ANKS6: variants seen among roughly 807,000 people sequenced by gnomAD.
ANKS6 encodes ankyrin repeat and sterile alpha motif domain containing 6, also known as ankyrin repeat and SAM domain-containing protein 6.
In ANKS6, 47 loss-of-function variants were observed where a neutral mutation model predicts 77.9. The observed-to-expected ratio is 0.60, with a 90% CI of 0.48 to 0.77. The LOEUF is 0.77. Ranked by LOEUF, ANKS6 falls within the 30% of genes least tolerant of loss-of-function variation. The pLI, the probability that ANKS6 is intolerant of heterozygous loss-of-function variation, is 0.00. For missense variants in ANKS6, 1,150 were observed against 1,159.1 expected (o/e 0.99, Z 0.11); for synonymous variants, 488 against 501.7 (o/e 0.97, Z 0.37).
At chr9:98,761,613 G>A (rs1206209541) in intron 11 of ANKS6, among the ~76,000 whole-genome samples, 2 of 152,134 alleles carry the variant, frequency 1.3e-5, no homozygotes, top group Non-Finnish European at 2.9e-5. Context: ...TGAGATACAC[G>A]TGGAGGTTCC....
Position 98,791,303 on chromosome 9 carries a change from CAG to C in ANKS6, c.360-699_360-698del, listed in dbSNP as rs1187945777. 6.6e-6 allele frequency among the ~76,000 whole-genome samples: 1 copy of C among 152,238 alleles called. No individual in the cohort carries two copies. Among genetic ancestry groups the C allele is most frequent in the Non-Finnish European group, 1.5e-5 (1 of 68,044 alleles). ...AGAGGTGTGGCAAGGTTGTGGTCAGCAGATAGGCTGGGCATTGCGGCCTGGAG... is the reference window on the plus strand; with the variant it reads ...AGAGGTGTGGCAAGGTTGTGGTCAGCATAGGCTGGGCATTGCGGCCTGGAG... On this transcript the variant is annotated intron_variant, in intron 1 of 14. Transcript: ENST00000353234. The surrounding 1 kb of genome is among the most constrained non-coding windows in gnomAD (Gnocchi z 4.3).
At chr9:98,766,916 G>A (rs1448251097) in intron 11 of ANKS6, among the ~76,000 whole-genome samples, 1 of 152,160 alleles carries the variant, frequency 6.6e-6, no homozygotes, top group Non-Finnish European at 1.5e-5. Flanking sequence ...ACTATGAAGA[G>A]TGGGGTTTTG....
At chr9:98,780,407 G>A (rs775668893) in intron 5 of ANKS6, 70 bp from the exon 6 acceptor site, 11 of 1,489,504 alleles carry the variant, frequency 7.4e-6, no homozygotes, top group East Asian at 2.5e-5. Flanking sequence ...GACTCAAGAT[G>A]ACCCCTGTTA....
chr9:98,737,027 A>G (rs923704886), intron 14 of ANKS6, among the ~76,000 whole-genome samples: 1 of 152,180 alleles, frequency 6.6e-6, no homozygotes, highest in Non-Finnish European at 1.5e-5. Flanking sequence ...GCTACAGGAT[A>G]AGAGTTTAAA....
intron 11 of ANKS6, among the ~76,000 whole-genome samples, chr9:98,760,695 G>C (rs1166807918): frequency 6.6e-6 from 1 of 152,134 alleles, no homozygotes; most frequent in African/African-American, 2.4e-5. Context: ...GATGCCTTTA[G>C]GATTCATTCA....
At chr9:98,790,982 C>T (rs1834875990) in intron 1 of ANKS6, among the ~76,000 whole-genome samples, 1 of 152,228 alleles carries the variant, frequency 6.6e-6, no homozygotes, top group African/African-American at 2.4e-5. Context: ...GGAAACATCA[C>T]ATCAATGTTA....
chr9:98,784,916 T>G (rs1383026567), intron 2 of ANKS6, 40 bp from the exon 3 acceptor site: 6 of 1,584,628 alleles, frequency 3.8e-6, no homozygotes, highest in African/African-American at 2.7e-5. Context: ...CACGGAAAGG[T>G]TTAATATAAC....
chr9:98,790,014 C>T, intron 2 of ANKS6, 90 bp downstream of exon 2: 10 of 1,478,530 alleles, frequency 6.8e-6, no homozygotes, highest in South Asian at 2.8e-5. Flanking sequence ...CTGAGTTCTG[C>T]GTGTCCTTCC....
At position 98,751,017 on chromosome 9, in the gene ANKS6, G is replaced by C. The variant is rs1345759081; in HGVS notation, c.2394+12C>G. 1 of 1,594,606 alleles carries C rather than the reference G, an allele frequency of 6.3e-7. No homozygotes were observed. The highest frequency in any genetic ancestry group is 8.5e-7 in the Non-Finnish European group (1 of 1,170,554). ...TAAGATTTAAATTGACATTCAAAAA[G>C]AGCATTCTTACCTCTTGTTCCTCAA... On this transcript the variant is annotated intron_variant, in intron 13 of 14. Transcript: ENST00000353234.
chr9:98,775,760 T>G (rs1273163272), intron 8 of ANKS6, among the ~76,000 whole-genome samples: 2 of 152,254 alleles, frequency 1.3e-5, no homozygotes, highest in African/African-American at 4.8e-5. Flanking sequence ...TTTATTTTCC[T>G]TCTATATGTT....
At position 98,774,057 on chromosome 9, in the gene ANKS6, G is replaced by T. The variant is rs371491495; in HGVS notation, c.1641C>A (p.Thr547=). 304 of 1,525,432 alleles carry T rather than the reference G, an allele frequency of 2.0e-4. No individual in the cohort carries two copies. The highest frequency in any genetic ancestry group is 2.6e-4 in the Non-Finnish European group (298 of 1,133,188). 94.5% of individuals were successfully genotyped at this position (1,525,432 alleles called of 1,614,324 possible). ...CTTTCAGCTTGTCACTCGGGAGTCT[G>T]GTGAGGGGAGCTCCGTTTCGAAGCT... ...TTMLRNGAPL[T]RLPSDKLKAV... is the part of the protein sequence containing the mutation. The change falls in exon 9 of 15, where the codon ACC becomes ACA. Residue 547 remains threonine, a synonymous_variant. Transcript: ENST00000353234.
intron 13 of ANKS6, among the ~76,000 whole-genome samples, chr9:98,750,158 C>T (rs1028246570): frequency 6.6e-6 from 1 of 152,290 alleles, no homozygotes; most frequent in Non-Finnish European, 1.5e-5. Context: ...CTAGTCACTC[C>T]CTACTCTGCC....
In ANKS6 at chr9:98,734,347, C is replaced by T. The variant is rs2131912031; in HGVS notation, c.*2172G>A. ...TTTGTGAAAAGGTGACCCCCCGGTGCAGCTGTGTATCATTGTTCAATCAAA... is the reference window on the plus strand; with the variant it reads ...TTTGTGAAAAGGTGACCCCCCGGTGTAGCTGTGTATCATTGTTCAATCAAA... On this transcript the variant is annotated 3_prime_UTR_variant, in exon 15 of 15. Transcript: ENST00000353234. 1 of 985,490 alleles carries T rather than the reference C, an allele frequency of 1.0e-6. No individual in the cohort carries two copies. Among genetic ancestry groups the T allele is most frequent in the Non-Finnish European group, 1.2e-6 (1 of 829,984 alleles). The allele number at this position is 985,490 out of a possible 1,614,324, so 61.0% of individuals were successfully genotyped here. A position where few individuals can be genotyped will look rare whatever the true frequency, so the allele number is the denominator to read the frequency against.
chr9:98,784,933 G>C, intron 2 of ANKS6, 57 bp from the exon 3 acceptor site: 1 of 1,505,150 alleles, frequency 6.6e-7, no homozygotes, highest in African/African-American at 1.4e-5. Flanking sequence ...TAACAGAAAA[G>C]TCACAAGGGT....
At chr9:98,767,105 C>T (rs377532363) in intron 11 of ANKS6, among the ~76,000 whole-genome samples, 1 of 152,190 alleles carries the variant, frequency 6.6e-6, no homozygotes, top group South Asian at 2.1e-4. Context: ...CACTAAAAAA[C>T]TTCTTGTTCC....
chr9:98,751,135 A>G, intron 12 of ANKS6, 39 bp from the exon 13 acceptor site: 1 of 1,537,940 alleles, frequency 6.5e-7, no homozygotes, highest in Non-Finnish European at 8.9e-7. Context: ...AACACATTTT[A>G]GAATTTGGTA....
intron 6 of ANKS6, 109 bp from the exon 7 acceptor site, chr9:98,778,533 C>T: frequency 4.0e-6 from 4 of 1,012,576 alleles, no homozygotes; most frequent in Non-Finnish European, 5.9e-6. Flanking sequence ...GCCTGCCCTC[C>T]CCTCTCCTGG....
intron 6 of ANKS6, 24 bp from the exon 7 acceptor site, chr9:98,778,448 A>G (rs763336962): frequency 1.2e-6 from 2 of 1,610,502 alleles, no homozygotes; most frequent in African/African-American, 2.7e-5. Context: ...GCAGAGCAGA[A>G]GTCATGCTCC....
Position 98,735,510 on chromosome 9 carries a change from T to C in ANKS6, c.*1009A>G, listed in dbSNP as rs553025892. 55 of 1,228,640 alleles carry C rather than the reference T, an allele frequency of 4.5e-5. No homozygotes were observed. In the Admixed American group the frequency reaches 1.8e-3, roughly 41 times the overall value. 76.1% of individuals were successfully genotyped at this position (1,228,640 alleles called of 1,614,324 possible). Reference sequence around the variant, plus strand: ...CAATTCCCTTTTGAGGAACACAGCATTAATAGGATGTAGACAAAATTCCAA... The same window carrying C: ...CAATTCCCTTTTGAGGAACACAGCACTAATAGGATGTAGACAAAATTCCAA... On this transcript the variant is annotated 3_prime_UTR_variant, in exon 15 of 15. Coordinates refer to ENST00000353234, the MANE Select transcript of ANKS6 (RefSeq NM_173551.5).
Sources: gnomAD v4.1 joint callset for allele counts (sites outside exome capture counted in the v4.1 genomes callset) on GRCh38, gnomAD v4.1.1 for gene constraint, Gnocchi (gnomAD v3.1) non-coding constraint, MANE v1.5 for transcripts, NCBI Gene and HGNC (gene_info 2026-07-23, HGNC 2026-07-21) for gene names.